The following GRHL2 variants were observed in gnomAD, a reference collection of about 807,000 sequenced individuals.
The protein encoded by GRHL2 is grainyhead-like protein 2 homolog.
Under a neutral mutation model 83.8 loss-of-function variants are expected in GRHL2, and 21 were observed. That is an observed-to-expected ratio of 0.25 (90% CI 0.18 to 0.36). The LOEUF (loss-of-function observed/expected upper bound fraction) is 0.36. Among genes scored for constraint, GRHL2 ranks in the 10% least tolerant of loss-of-function variants. The pLI, the probability that GRHL2 is intolerant of heterozygous loss-of-function variation, is 1.00. For missense variants in GRHL2, 623 were observed against 781.8 expected, an observed-to-expected ratio of 0.80 and a Z score of 2.42; for synonymous variants, 280 against 278.9, an observed-to-expected ratio of 1.00 and a Z score of -0.04.
At chr8:101,505,926 A>G (rs1340640088) in intron 1 of GRHL2, among the ~76,000 whole-genome samples, 1 of 152,206 alleles carries the variant, frequency 6.6e-6, no homozygotes, top group Non-Finnish European at 1.5e-5. Flanking sequence ...ACAAGCTCCA[A>G]GTTTTTCCGC....
intron 6 of GRHL2, among the ~76,000 whole-genome samples, 176 bp downstream of exon 6, chr8:101,574,000 T>C (rs1811882045): frequency 6.6e-6 from 1 of 152,230 alleles, no homozygotes; most frequent in Non-Finnish European, 1.5e-5. Flanking sequence ...ATCATTGTAA[T>C]CAGTAACCAG....
intron 7 of GRHL2, among the ~76,000 whole-genome samples, chr8:101,580,439 C>G (rs1291668968): frequency 6.6e-6 from 1 of 152,172 alleles, no homozygotes; most frequent in Non-Finnish European, 1.5e-5. Flanking sequence ...CATTAACCAA[C>G]CTCTCTTCAT....
chr8:101,521,485 C>T (rs1237572137), intron 1 of GRHL2, among the ~76,000 whole-genome samples: 1 of 152,148 alleles, frequency 6.6e-6, no homozygotes, highest in African/African-American at 2.4e-5. Context: ...TCTTGTAGCA[C>T]CCTGTACTTT....
intron 12 of GRHL2, among the ~76,000 whole-genome samples, chr8:101,643,865 C>T (rs1238173190): frequency 2.0e-5 from 3 of 152,168 alleles, no homozygotes; most frequent in Admixed American, 2.0e-4. Flanking sequence ...GGGTAAAATC[C>T]ACTTTTGAAG....
downstream of GRHL2, among the ~76,000 whole-genome samples, chr8:101,670,824 C>T (rs1409656417): frequency 6.6e-6 from 1 of 152,176 alleles, no homozygotes; most frequent in Non-Finnish European, 1.5e-5. Flanking sequence ...GTCTCCCACT[C>T]TCTACACTGA....
At chr8:101,515,163 T>C (rs1810546158) in intron 1 of GRHL2, among the ~76,000 whole-genome samples, 1 of 106,550 alleles carries the variant, frequency 9.4e-6, no homozygotes, top group African/African-American at 3.7e-5. Flanking sequence ...TCTTTCTCTC[T>C]CTCTGTCTCT....
chr8:101,614,500 A>G (rs951635813), intron 8 of GRHL2, among the ~76,000 whole-genome samples: 1 of 143,362 alleles, frequency 7.0e-6, no homozygotes, highest in Admixed American at 6.7e-5. Flanking sequence ...GGAGACAGAT[A>G]GATTGTTCAC....
chr8:101,590,838 A>G (rs546992448), intron 7 of GRHL2, among the ~76,000 whole-genome samples: 2 of 152,348 alleles, frequency 1.3e-5, no homozygotes, highest in African/African-American at 4.8e-5. Context: ...CATTTTCAGC[A>G]TTCCAGCTTC....
intron 8 of GRHL2, among the ~76,000 whole-genome samples, chr8:101,614,238 T>TA (rs1290524867): frequency 6.6e-5 from 10 of 151,086 alleles, no homozygotes; most frequent in South Asian, 2.1e-4. Flanking sequence ...AATGATTTTG[T>TA]AAAAAAATGC....
intron 7 of GRHL2, among the ~76,000 whole-genome samples, chr8:101,584,700 CTG>C (rs1812126679): frequency 6.6e-6 from 1 of 152,318 alleles, no homozygotes; most frequent in Middle Eastern, 3.4e-3. Context: ...CTGGGCTACT[CTG>C]AGAGCTATGC....
At chr8:101,509,160 T>TCCTTCCTTTCTTTCTTTCTTTCTTTC (rs1292953215) in intron 1 of GRHL2, among the ~76,000 whole-genome samples, 1 of 115,672 alleles carries the variant, frequency 8.6e-6, no homozygotes, top group Non-Finnish European at 2.0e-5. Context: ...CTTCCTTCCT[T>TCCTTCCTTTCTTTCTTTCTTTCTTTC]TCTTTCTTTC....
intron 8 of GRHL2, 25 bp from the exon 9 acceptor site, chr8:101,619,513 GA>G: frequency 6.2e-7 from 1 of 1,611,428 alleles, no homozygotes. Context: ...GTTGACTTGT[GA>G]ACTTTTTCTT....
chr8:101,506,223 T>C (rs1286412432), intron 1 of GRHL2, among the ~76,000 whole-genome samples: 1 of 152,238 alleles, frequency 6.6e-6, no homozygotes, highest in Non-Finnish European at 1.5e-5. Flanking sequence ...AGTTTTGCAT[T>C]GTATGTGTTT....
rs1306959349 is a variant in GRHL2 at position 101,505,299 on chromosome 8, C to T, written c.20+12510C>T. Among the ~76,000 whole-genome samples, 4 of 152,134 alleles carry T rather than the reference C, an allele frequency of 2.6e-5. No homozygotes were observed. The East Asian group carries it at 5.8e-4, about 22-fold the overall frequency. Reference sequence around the variant, plus strand: ...TCGGATGTTAAAAGTCTAAATGGGCCGGGCGTGGTGGCTCATGCCTATAAT... The same window carrying T: ...TCGGATGTTAAAAGTCTAAATGGGCTGGGCGTGGTGGCTCATGCCTATAAT... On this transcript the variant is annotated intron_variant, in intron 1 of 15. Transcript: ENST00000646743.
intron 1 of GRHL2, among the ~76,000 whole-genome samples, chr8:101,507,138 A>G (rs925871112): frequency 6.6e-6 from 1 of 152,210 alleles, no homozygotes; most frequent in South Asian, 2.1e-4. Flanking sequence ...TGAGATACTC[A>G]TATTTTTATC....
Position 101,618,637 on chromosome 8 carries a change from C to T in GRHL2, c.1099-902C>T, listed in dbSNP as rs534125193. 1.2e-4 allele frequency among the ~76,000 whole-genome samples: 19 copies of T among 152,016 alleles called. No individual in the cohort carries two copies. The South Asian group carries it at 4.0e-3, about 32-fold the overall frequency. On this transcript the variant is annotated intron_variant, in intron 8 of 15. Coordinates refer to ENST00000646743, the MANE Select transcript of GRHL2 (RefSeq NM_024915.4). ...AAACCTGGGGCATTTGACTCCCAAT[C>T]TCGTAGGCTTTCTGCAGATAAACTC...
At chr8:101,604,046 A>G (rs1397204623) in intron 8 of GRHL2, among the ~76,000 whole-genome samples, 1 of 151,090 alleles carries the variant, frequency 6.6e-6, no homozygotes, top group Non-Finnish European at 1.5e-5. Context: ...GCCATAAAAC[A>G]ATGGGAAGTG....
intron 8 of GRHL2, among the ~76,000 whole-genome samples, chr8:101,601,386 A>G (rs941993411): frequency 1.3e-5 from 2 of 152,236 alleles, no homozygotes; most frequent in Admixed American, 6.5e-5. Context: ...TGGAAGGTAC[A>G]GTTTAATGAT....
intron 7 of GRHL2, among the ~76,000 whole-genome samples, chr8:101,596,319 C>A (rs1307419565): frequency 2.0e-5 from 3 of 152,068 alleles, no homozygotes; most frequent in Non-Finnish European, 4.4e-5. Flanking sequence ...CATGCATATG[C>A]GCTGTTACTG....
Sources: allele counts gnomAD v4.1 joint callset (sites outside exome capture counted in the v4.1 genomes callset), GRCh38; gene constraint gnomAD v4.1.1; transcripts MANE v1.5; gene names NCBI Gene and HGNC (gene_info 2026-07-23, HGNC 2026-07-21).